RARB: variants seen among roughly 807,000 people sequenced by gnomAD.
RARB encodes the protein retinoic acid receptor beta.
Under a neutral mutation model 51.9 loss-of-function variants are expected in RARB, and 17 were observed. The observed-to-expected ratio is 0.33, with a 90% CI of 0.22 to 0.49. RARB has a LOEUF of 0.49. RARB is among the 20% of genes least tolerant of loss of function. RARB has a pLI of 0.99. For missense variants in RARB, 369 were observed against 550.8 expected (o/e 0.67, Z 3.30); for synonymous variants, 215 against 195.4 (o/e 1.10, Z -0.84).
intron 5 of RARB, among the ~76,000 whole-genome samples, chr3:25,225,355 G>T: frequency 6.6e-6 from 1 of 152,026 alleles, no homozygotes. Context: ...TGATTCCTGG[G>T]GCTGCAAATA....
intron 5 of RARB, among the ~76,000 whole-genome samples, chr3:25,376,024 G>C (rs776872740): frequency 1.3e-5 from 2 of 152,182 alleles, no homozygotes; most frequent in African/African-American, 4.8e-5. Flanking sequence ...GCTAATACAC[G>C]TAGAGCTCTT....
intron 1 of RARB, among the ~76,000 whole-genome samples, chr3:25,433,519 T>TG (rs781463672): frequency 7.4e-4 from 113 of 152,152 alleles, no homozygotes; most frequent in Non-Finnish European, 1.3e-3. Flanking sequence ...GTGGACAGGG[T>TG]GGGGAGGAGG....
chr3:25,118,785 C>G (rs1699732149), intron 3 of RARB, among the ~76,000 whole-genome samples: 2 of 151,928 alleles, frequency 1.3e-5, no homozygotes. Flanking sequence ...AACACAAGAT[C>G]CTCCCCAGAA....
At chr3:25,594,410 A>G (rs1458542354) in intron 6 of RARB, 110 bp from the exon 7 acceptor site, 1 of 1,189,874 alleles carries the variant, frequency 8.4e-7, no homozygotes, top group Non-Finnish European at 1.1e-6. Context: ...TTGTGTATGT[A>G]ATTGAATTAC....
intron 4 of RARB, among the ~76,000 whole-genome samples, chr3:25,169,669 A>G (rs1240331801): frequency 6.6e-6 from 1 of 152,144 alleles, no homozygotes; most frequent in Non-Finnish European, 1.5e-5. Context: ...GAGTTATATC[A>G]TATTTATAGT....
At chr3:25,524,282 A>G (rs903713244) in intron 3 of RARB, among the ~76,000 whole-genome samples, 1 of 152,228 alleles carries the variant, frequency 6.6e-6, no homozygotes, top group Non-Finnish European at 1.5e-5. Context: ...TACTTTTGTT[A>G]CCACGGCACC....
intron 5 of RARB, among the ~76,000 whole-genome samples, chr3:25,365,060 C>A (rs371500060): frequency 5.8e-4 from 88 of 152,020 alleles, no homozygotes; most frequent in African/African-American, 1.9e-3. Flanking sequence ...CTAGAAATTT[C>A]CCATCACTCA....
intron 4 of RARB, among the ~76,000 whole-genome samples, chr3:25,161,551 T>C (rs1035157213): frequency 6.6e-6 from 1 of 152,146 alleles, no homozygotes; most frequent in Non-Finnish European, 1.5e-5. Flanking sequence ...TGCTTCTCCA[T>C]ACTTTCATCG....
At chr3:24,971,551 A>C (rs954399793) in intron 2 of RARB, among the ~76,000 whole-genome samples, 5 of 151,986 alleles carry the variant, frequency 3.3e-5, no homozygotes, top group African/African-American at 1.2e-4. Flanking sequence ...TTTAAAGCTT[A>C]CTCTTTAAAT....
chr3:25,028,998 A>G (rs1007665467), intron 2 of RARB, among the ~76,000 whole-genome samples: 1 of 152,042 alleles, frequency 6.6e-6, no homozygotes, highest in Non-Finnish European at 1.5e-5. Context: ...CGTGTTCTCA[A>G]CTCTGTGCTA....
At chr3:25,099,201 T>C (rs1428866573) in intron 3 of RARB, among the ~76,000 whole-genome samples, 1 of 152,182 alleles carries the variant, frequency 6.6e-6, no homozygotes, top group Non-Finnish European at 1.5e-5. Flanking sequence ...ATATAGCAGT[T>C]CGTTTGTCTG....
intron 5 of RARB, among the ~76,000 whole-genome samples, chr3:25,302,597 G>C (rs1360745328): frequency 6.6e-6 from 1 of 152,216 alleles, no homozygotes; most frequent in Non-Finnish European, 1.5e-5. Flanking sequence ...CCAGGGGCTG[G>C]GGACAAGCGA....
At chr3:25,521,844 C>T (rs1698414089) in intron 3 of RARB, among the ~76,000 whole-genome samples, 1 of 152,026 alleles carries the variant, frequency 6.6e-6, no homozygotes. Context: ...GTCAGTAAAA[C>T]CTCTTCATTG....
chr3:25,081,586 C>CATATATATATATATATATATAT (rs1161956011), intron 3 of RARB, among the ~76,000 whole-genome samples: 9 of 19,638 alleles, frequency 4.6e-4, no homozygotes, highest in Admixed American at 1.1e-3. Context: ...GCTTCATATA[C>CATATATATATATATATATATAT]ATATATATAT....
chr3:25,153,768 C>T (rs1010706308), intron 4 of RARB, among the ~76,000 whole-genome samples: 2 of 152,110 alleles, frequency 1.3e-5, no homozygotes, highest in African/African-American at 4.8e-5. Context: ...ATAACTTGCC[C>T]AGCCCTGTTT....
chr3:25,086,108 G>C (rs1241496591), intron 3 of RARB, among the ~76,000 whole-genome samples: 2 of 152,088 alleles, frequency 1.3e-5, no homozygotes, highest in Non-Finnish European at 2.9e-5. Flanking sequence ...ATAACATAAT[G>C]GAGGTTCAGT....
chr3:24,886,365 T>A (rs916985048), intron 2 of RARB, among the ~76,000 whole-genome samples: 1 of 151,978 alleles, frequency 6.6e-6, no homozygotes, highest in Non-Finnish European at 1.5e-5. Context: ...GCTCACCTAA[T>A]CCTTAATTGA....
chr3:25,442,688 A>C (rs2125531216), intron 1 of RARB, among the ~76,000 whole-genome samples: 1 of 152,272 alleles, frequency 6.6e-6, no homozygotes, highest in South Asian at 2.1e-4. Flanking sequence ...TGGTGATTTC[A>C]GTCATTGTTT....
intron 5 of RARB, among the ~76,000 whole-genome samples, chr3:25,243,471 G>T (rs1382724194): frequency 6.6e-6 from 1 of 152,154 alleles, no homozygotes; most frequent in Admixed American, 6.5e-5. Flanking sequence ...TTATTATTTT[G>T]AGGTATGTTT....
Sources: allele counts gnomAD v4.1 joint callset (sites outside exome capture counted in the v4.1 genomes callset), GRCh38; gene constraint gnomAD v4.1.1; transcripts MANE v1.5; gene names NCBI Gene and HGNC (gene_info 2026-07-23, HGNC 2026-07-21).